Variants in EPHA6 observed in about 807,000 individuals in gnomAD.
EPHA6 encodes ephrin type-A receptor 6.
Under a neutral mutation model 112.0 loss-of-function variants are expected in EPHA6, and 50 were observed. That is an observed-to-expected ratio of 0.45 (90% confidence interval 0.36 to 0.56). EPHA6 has a LOEUF of 0.56. Ranked by LOEUF, EPHA6 falls within the 20% of genes least tolerant of loss-of-function variation. The pLI is 0.00. For synonymous variants in EPHA6, 529 were observed against 490.7 expected (o/e 1.08, Z -1.03); for missense variants, 1,280 against 1,417.4 (o/e 0.90, Z 1.56).
At chr3:97,705,386 C>T (rs1273154336) in intron 14 of EPHA6, among the ~76,000 whole-genome samples, 2 of 152,116 alleles carry the variant, frequency 1.3e-5, no homozygotes, top group Non-Finnish European at 2.9e-5. Flanking sequence ...ATCATGGCGC[C>T]TCTCACATTT....
chr3:97,125,901 T>C (rs2048169919), intron 3 of EPHA6, among the ~76,000 whole-genome samples: 1 of 152,170 alleles, frequency 6.6e-6, no homozygotes, highest in African/African-American at 2.4e-5. Flanking sequence ...AGGACATAAG[T>C]AAAGACCATT....
intron 3 of EPHA6, among the ~76,000 whole-genome samples, chr3:97,192,838 A>G (rs1305598887): frequency 6.6e-6 from 1 of 152,170 alleles, no homozygotes; most frequent in African/African-American, 2.4e-5. Flanking sequence ...ATTCTTCTGT[A>G]TATGGATATC....
At chr3:97,642,692 A>C (rs922670206) in intron 14 of EPHA6, among the ~76,000 whole-genome samples, 7 of 152,156 alleles carry the variant, frequency 4.6e-5, no homozygotes, top group African/African-American at 1.7e-4. Flanking sequence ...GGGTATCAGC[A>C]ATGGAAGATG....
intron 14 of EPHA6, among the ~76,000 whole-genome samples, chr3:97,678,738 T>C (rs2031613090): frequency 6.6e-6 from 1 of 152,218 alleles, no homozygotes. Flanking sequence ...TGATATTGGC[T>C]ATTTGATATA....
Position 97,302,366 on chromosome 3 carries a change from T to A in EPHA6, c.1606+58079T>A, listed in dbSNP as rs531341595. Among the ~76,000 whole-genome samples, 69 of 151,864 alleles carry A rather than the reference T, an allele frequency of 4.5e-4. 1 individual carries two copies. Among genetic ancestry groups the A allele is most frequent in the African/African-American group, 1.4e-3 (58 of 41,476 alleles). ...ATAATAAAATACTAAAAATAAAGAG[T>A]AAAACTTGTTCCTAAACCACTGTAT... On this transcript the variant is annotated intron_variant, in intron 5 of 17. Coordinates refer to ENST00000389672, the MANE Select transcript of EPHA6 (RefSeq NM_001080448.3).
chr3:96,952,106 T>C (rs1434381577), intron 2 of EPHA6, among the ~76,000 whole-genome samples: 1 of 152,152 alleles, frequency 6.6e-6, no homozygotes, highest in Non-Finnish European at 1.5e-5. Context: ...TTGTTCTCCA[T>C]TGTACTAGGA....
At chr3:97,285,421 A>G (rs963287212) in intron 5 of EPHA6, among the ~76,000 whole-genome samples, 1 of 151,894 alleles carries the variant, frequency 6.6e-6, no homozygotes, top group Non-Finnish European at 1.5e-5. Flanking sequence ...TCTACTCTCT[A>G]CCTCCATGAG....
In EPHA6 at chr3:97,458,051, G is replaced by C. The variant is rs903109965; in HGVS notation, c.1894+9321G>C. 1.2e-4 allele frequency among the ~76,000 whole-genome samples: 15 copies of C among 121,208 alleles called. No homozygotes were observed. In the East Asian group the frequency reaches 1.6e-3, roughly 13 times the overall value. The allele number at this position is 121,208 out of a possible 152,430, so 79.5% of individuals were successfully genotyped here. ...CCACTGCACTCCAGCCTGGGCGACA[G>C]TGCGAGACTCCGTCTCAAAAAAAAA... On this transcript the variant is annotated intron_variant, in intron 7 of 17. Transcript: ENST00000389672.
intron 6 of EPHA6, among the ~76,000 whole-genome samples, chr3:97,413,386 A>C (rs1421520976): frequency 6.6e-6 from 1 of 151,652 alleles, no homozygotes; most frequent in Admixed American, 6.6e-5. Flanking sequence ...TTACAGGGGA[A>C]AGAGCAAGCA....
At chr3:96,862,868 CATT>C (rs971298585) in intron 1 of EPHA6, among the ~76,000 whole-genome samples, 2 of 151,802 alleles carry the variant, frequency 1.3e-5, no homozygotes, top group African/African-American at 4.8e-5. Flanking sequence ...TCTTTTAAAA[CATT>C]ATGAAATTTT....
intron 10 of EPHA6, among the ~76,000 whole-genome samples, chr3:97,490,439 CA>C (rs1298073319): frequency 1.3e-5 from 2 of 152,006 alleles, no homozygotes; most frequent in African/African-American, 2.4e-5. Context: ...GTTTATGTAA[CA>C]GGGGAAGTAA....
intron 11 of EPHA6, among the ~76,000 whole-genome samples, chr3:97,573,303 A>C (rs889354239): frequency 7.9e-5 from 12 of 152,310 alleles, no homozygotes; most frequent in South Asian, 2.1e-4. Context: ...AAAGGAACCC[A>C]AAAAAATAAA....
chr3:97,181,732 T>C (rs2076994008), intron 3 of EPHA6, among the ~76,000 whole-genome samples: 1 of 152,078 alleles, frequency 6.6e-6, no homozygotes, highest in South Asian at 2.1e-4. Flanking sequence ...TCGCACTGAG[T>C]TCAGCAGTAG....
chr3:97,032,036 T>A (rs2044871699), intron 3 of EPHA6, among the ~76,000 whole-genome samples: 1 of 152,074 alleles, frequency 6.6e-6, no homozygotes. Context: ...AGCAAAGACT[T>A]GGAACCAAGC....
chr3:97,670,419 A>G (rs1259506090), intron 14 of EPHA6, among the ~76,000 whole-genome samples: 2 of 152,214 alleles, frequency 1.3e-5, no homozygotes, highest in Non-Finnish European at 2.9e-5. Flanking sequence ...CTCAGGTCAA[A>G]AAAGACTTTG....
chr3:97,080,505 CAA>C (rs2046686776), intron 3 of EPHA6, among the ~76,000 whole-genome samples: 1 of 152,066 alleles, frequency 6.6e-6, no homozygotes, highest in East Asian at 1.9e-4. Context: ...AGAGAATATT[CAA>C]AGAGTATGTA....
chr3:97,646,152 C>T (rs1342642343), intron 14 of EPHA6: 7 of 1,534,472 alleles, frequency 4.6e-6, no homozygotes, highest in Non-Finnish European at 6.1e-6. Context: ...GCAATCAGAA[C>T]TGGTTAAAGA....
chr3:97,075,770 T>G (rs2046503868), intron 3 of EPHA6, among the ~76,000 whole-genome samples: 1 of 152,070 alleles, frequency 6.6e-6, no homozygotes, highest in Non-Finnish European at 1.5e-5. Flanking sequence ...GTTGGCTCAA[T>G]TTTTCAATAG....
At chr3:97,648,309 T>TA (rs755572501) in intron 14 of EPHA6, 1 of 1,359,166 alleles carries the variant, frequency 7.4e-7, no homozygotes, top group Non-Finnish European at 1.1e-6. Context: ...CTCTAACACT[T>TA]AACCTCTGCT....
Sources: gnomAD v4.1 joint callset for allele counts (sites outside exome capture counted in the v4.1 genomes callset) on GRCh38, gnomAD v4.1.1 for gene constraint, MANE v1.5 for transcripts, NCBI Gene and HGNC (gene_info 2026-07-23, HGNC 2026-07-21) for gene names.